The following CEP128 variants were observed in gnomAD, a reference collection of about 807,000 sequenced individuals.
CEP128 encodes the protein centrosomal protein 128.
CEP128 carries 132 observed loss-of-function variants against 156.7 expected under a neutral mutation model. That is an observed-to-expected ratio of 0.84 (90% CI 0.73 to 0.97). The LOEUF (loss-of-function observed/expected upper bound fraction) is 0.97, where lower values mean the gene tolerates loss of function less well. Ranked by LOEUF, CEP128 falls within the 50% of genes least tolerant of loss-of-function variation. The probability of loss-of-function intolerance (pLI) is 0.00; values close to 1 mark genes in which losing one functional copy is unlikely to be tolerated. For missense variants in CEP128, 1,252 were observed against 1,281.9 expected, an observed-to-expected ratio of 0.98 and a Z score of 0.36; for synonymous variants, 469 against 448.9, an observed-to-expected ratio of 1.04 and a Z score of -0.57.
At chr14:80,648,008 G>A (rs929392263) in intron 19 of CEP128, among the ~76,000 whole-genome samples, 5 of 152,082 alleles carry the variant, frequency 3.3e-5, no homozygotes, top group South Asian at 2.1e-4. Context: ...CTTTACTGTA[G>A]ATAATATAGC....
At chr14:80,901,683 C>T (rs991129593) in intron 6 of CEP128, among the ~76,000 whole-genome samples, 2 of 152,154 alleles carry the variant, frequency 1.3e-5, no homozygotes, top group Non-Finnish European at 2.9e-5. Flanking sequence ...ACCTCCTTTT[C>T]ACTCATTCCT....
intron 14 of CEP128, among the ~76,000 whole-genome samples, chr14:80,480,633 T>G (rs2140145797): frequency 6.6e-6 from 1 of 152,344 alleles, no homozygotes; most frequent in South Asian, 2.1e-4. Flanking sequence ...AAATAGGTTT[T>G]TCTTTTCTAT....
chr14:80,857,761 A>C (rs1887271544), intron 9 of CEP128, among the ~76,000 whole-genome samples: 1 of 151,418 alleles, frequency 6.6e-6, no homozygotes, highest in Admixed American at 6.6e-5. Context: ...AACAACAACA[A>C]CAACAACAAA....
At chr14:80,543,596 T>C in intron 21 of CEP128, among the ~76,000 whole-genome samples, 1 of 152,176 alleles carries the variant, frequency 6.6e-6, no homozygotes, top group East Asian at 1.9e-4. Flanking sequence ...AAATGGATCA[T>C]GAAAACCAGT....
chr14:80,828,909 T>C (rs1885631904), intron 13 of CEP128, among the ~76,000 whole-genome samples: 2 of 152,208 alleles, frequency 1.3e-5, no homozygotes, highest in African/African-American at 4.8e-5. Flanking sequence ...TCTTTTTTAA[T>C]AGAATGTATA....
At chr14:80,906,301 C>T (rs1447202508) in intron 4 of CEP128, among the ~76,000 whole-genome samples, 1 of 152,192 alleles carries the variant, frequency 6.6e-6, no homozygotes, top group Non-Finnish European at 1.5e-5. Flanking sequence ...GCATCTGTCA[C>T]TACCTATTCC....
At chr14:80,935,121 A>G (rs899559928) in intron 2 of CEP128, among the ~76,000 whole-genome samples, 1 of 152,212 alleles carries the variant, frequency 6.6e-6, no homozygotes, top group Non-Finnish European at 1.5e-5. Context: ...CCGAAACCCA[A>G]CTTTTTAATC....
At chr14:80,620,862 G>A (rs1893449688) in intron 19 of CEP128, among the ~76,000 whole-genome samples, 1 of 152,218 alleles carries the variant, frequency 6.6e-6, no homozygotes, top group African/African-American at 2.4e-5. Flanking sequence ...TTTCGAACAT[G>A]TAGCAATGTA....
chr14:80,541,046 G>C (rs151139578), intron 21 of CEP128, among the ~76,000 whole-genome samples: 1 of 152,246 alleles, frequency 6.6e-6, no homozygotes, highest in East Asian at 1.9e-4. Context: ...GCAAGACATA[G>C]TAAAAAAGAT....
chr14:80,624,840 G>A (rs1384360415), intron 19 of CEP128, among the ~76,000 whole-genome samples: 3 of 152,086 alleles, frequency 2.0e-5, no homozygotes, highest in African/African-American at 7.2e-5. Flanking sequence ...TAAATGGTTT[G>A]CAAATATTTT....
At chr14:80,930,217 C>A (rs185048499) in intron 2 of CEP128, among the ~76,000 whole-genome samples, 1 of 152,150 alleles carries the variant, frequency 6.6e-6, no homozygotes, top group Non-Finnish European at 1.5e-5. Context: ...GCCCAGAGAC[C>A]GTAGTAAATC....
At chr14:80,873,436 G>A (rs1170121575) in intron 8 of CEP128, among the ~76,000 whole-genome samples, 1 of 152,156 alleles carries the variant, frequency 6.6e-6, no homozygotes, top group East Asian at 1.9e-4. Flanking sequence ...CAAATAAAAT[G>A]ATAACTGTTT....
At position 80,747,029 on chromosome 14, in the gene CEP128, A is replaced by C. The variant is rs1347018906; in HGVS notation, c.2614-3762T>G. Among the ~76,000 whole-genome samples the C allele has an allele frequency of 3.3e-5, 5 of 152,256 alleles. 1 individual carries two copies. The highest frequency in any genetic ancestry group is 7.3e-5 in the Non-Finnish European group (5 of 68,038). On this transcript the variant is annotated intron_variant, in intron 18 of 24. Coordinates refer to ENST00000555265, the MANE Select transcript of CEP128 (RefSeq NM_152446.5). ...GAAAATGTAAATCAAAACCACAGTG[A>C]GACTCTACTTCACACCCAGCAGGGT...
intron 24 of CEP128, among the ~76,000 whole-genome samples, chr14:80,499,291 T>C (rs940467601): frequency 1.3e-5 from 2 of 152,204 alleles, no homozygotes; most frequent in African/African-American, 4.8e-5. Flanking sequence ...ATTCTTGCTG[T>C]GGATAAATTA....
At position 80,756,936 on chromosome 14, in the gene CEP128, G is replaced by A. The variant is rs1295412403; in HGVS notation, c.2569C>T (p.Pro857Ser). ...CGATGTGGGTCATAATGTATATCAG[G>A]ACCAGATGAAAAAACCTACAAAAGA... ...VEKLKVFSSGPDIHYDPHRWL... is the reference protein window; with the variant it reads ...VEKLKVFSSGSDIHYDPHRWL... The change falls in exon 18 of 25, where the codon CCT becomes TCT. Residue 857 changes from proline (P) to serine (S), a missense_variant. Pro to Ser is a moderately conservative substitution (Grantham distance 74). Coordinates refer to ENST00000555265, the MANE Select transcript of CEP128 (RefSeq NM_152446.5). 5 of 1,598,132 alleles carry A rather than the reference G, an allele frequency of 3.1e-6. No homozygotes were observed. The Admixed American group carries it at 5.1e-5, about 16-fold the overall frequency.
chr14:80,501,831 A>G (rs146749416), intron 24 of CEP128, among the ~76,000 whole-genome samples: 19 of 151,860 alleles, frequency 1.3e-4, no homozygotes, highest in Non-Finnish European at 2.2e-4. Context: ...GGGCTTCGAC[A>G]CCTGCCCAAA....
intron 9 of CEP128, among the ~76,000 whole-genome samples, chr14:80,857,336 T>C (rs1301362827): frequency 6.6e-6 from 1 of 151,496 alleles, no homozygotes; most frequent in African/African-American, 2.4e-5. Flanking sequence ...GTTATGATAC[T>C]ATCAAGCACC....
intron 16 of CEP128, among the ~76,000 whole-genome samples, chr14:80,769,281 T>TG (rs1311537041): frequency 6.7e-6 from 1 of 149,864 alleles, no homozygotes; most frequent in Non-Finnish European, 1.5e-5. Flanking sequence ...TCTGAGTTGT[T>TG]TTTTTTTTTA....
intron 8 of CEP128, 131 bp from the exon 9 acceptor site, chr14:80,863,004 T>G: frequency 1.8e-6 from 1 of 553,208 alleles, no homozygotes; most frequent in Non-Finnish European, 3.1e-6. Flanking sequence ...GCAAAGCCCC[T>G]TCTAATGACG....
Sources: gnomAD v4.1 joint callset for allele counts (sites outside exome capture counted in the v4.1 genomes callset) on GRCh38, gnomAD v4.1.1 for gene constraint, MANE v1.5 for transcripts, NCBI Gene and HGNC (gene_info 2026-07-23, HGNC 2026-07-21) for gene names.